TENM3: variants seen among roughly 807,000 people sequenced by gnomAD.
TENM3 encodes teneurin-3.
Under a neutral mutation model 255.1 loss-of-function variants are expected in TENM3, and 63 were observed. The ratio of observed to expected loss-of-function variants is 0.25; its 90% confidence interval spans 0.20 to 0.30. The LOEUF (loss-of-function observed/expected upper bound fraction) is 0.30, where lower values mean the gene tolerates loss of function less well. TENM3 is among the 10% of genes least tolerant of loss of function. The pLI is 1.00. For missense variants in TENM3, 2,929 were observed against 3,461.1 expected (o/e 0.85, Z 3.86); for synonymous variants, 1,306 against 1,322.3 (o/e 0.99, Z 0.27).
intron 1 of TENM3, among the ~76,000 whole-genome samples, chr4:182,224,737 CTT>C (rs112818920): frequency 3.7e-4 from 51 of 137,336 alleles, no homozygotes; most frequent in Admixed American, 3.7e-4. Flanking sequence ...AGTCAGATAT[CTT>C]TTTTTTTTTT....
the TENM3 span, among the ~76,000 whole-genome samples, chr4:181,831,810 G>T: frequency 0.011 from 1,744 of 152,082 alleles, 40 homozygotes; most frequent in African/African-American, 0.04. Flanking sequence ...ACAAAATATG[G>T]ACTATTAAGA....
At chr4:181,836,439 TTC>T in the TENM3 span, among the ~76,000 whole-genome samples, 1 of 152,328 alleles carries the variant, frequency 6.6e-6, no homozygotes, top group East Asian at 1.9e-4. Flanking sequence ...ATTTGGGTCT[TTC>T]ATTAACCTGG....
intron 12 of TENM3, among the ~76,000 whole-genome samples, chr4:182,708,290 C>T (rs1427869717): frequency 1.3e-5 from 2 of 152,132 alleles, no homozygotes; most frequent in Non-Finnish European, 2.9e-5. Context: ...GTGTGTGTCC[C>T]TGGATCATTC....
At chr4:181,678,744 G>C in the TENM3 span, among the ~76,000 whole-genome samples, 1 of 150,206 alleles carries the variant, frequency 6.7e-6, no homozygotes, top group African/African-American at 2.4e-5. Context: ...AAAAATATTT[G>C]CTTAATTTTC....
At chr4:181,921,745 G>C in the TENM3 span, among the ~76,000 whole-genome samples, 1 of 151,930 alleles carries the variant, frequency 6.6e-6, no homozygotes, top group Admixed American at 6.6e-5. Context: ...CTGACTAATT[G>C]CCCTGGCCAG....
chr4:181,726,119 TATAA>T, the TENM3 span, among the ~76,000 whole-genome samples: 1 of 152,054 alleles, frequency 6.6e-6, no homozygotes, highest in African/African-American at 2.4e-5. Flanking sequence ...ATTATTAAAA[TATAA>T]ATATATTTTA....
the TENM3 span, among the ~76,000 whole-genome samples, chr4:181,923,116 C>G: frequency 1.4e-4 from 21 of 152,060 alleles, no homozygotes; most frequent in African/African-American, 4.3e-4. Context: ...GTTATAATTT[C>G]TGTTCTTTTA....
chr4:182,731,073 G>A lies in TENM3; in HGVS notation c.2901G>A (p.Val967=), dbSNP rs944336732. 3 of 1,613,874 alleles carry A rather than the reference G, an allele frequency of 1.9e-6. No individual in the cohort carries two copies. The highest frequency in any genetic ancestry group is 2.5e-6 in the Non-Finnish European group (3 of 1,179,812). ...TCGTGAGGCCAAATCCCATCATTGT[G>A]TCATCACCTTTATCCACCTTTTTCA... The part of the protein sequence containing the change: ...SGFVRPNPII[V]SSPLSTFFRS... The change falls in exon 16 of 28, where the codon GTG becomes GTA. Residue 967 remains valine, a synonymous_variant. Transcript: ENST00000511685.
At chr4:181,650,717 G>C in the TENM3 span, among the ~76,000 whole-genome samples, 1 of 152,296 alleles carries the variant, frequency 6.6e-6, no homozygotes, top group African/African-American at 2.4e-5. Context: ...GAACTTTCTA[G>C]AAGAGCTACA....
chr4:181,899,808 C>T, the TENM3 span, among the ~76,000 whole-genome samples: 2 of 152,112 alleles, frequency 1.3e-5, no homozygotes, highest in African/African-American at 4.8e-5. Context: ...CCTTGTGATC[C>T]TCCCGCCTCA....
chr4:181,605,471 AG>A, the TENM3 span, among the ~76,000 whole-genome samples: 46 of 129,278 alleles, frequency 3.6e-4, no homozygotes, highest in African/African-American at 1.3e-3. Context: ...AGAGAGAGAG[AG>A]AGAAACAGAG....
At chr4:182,283,483 G>A (rs1248342126) in intron 1 of TENM3, among the ~76,000 whole-genome samples, 1 of 152,142 alleles carries the variant, frequency 6.6e-6, no homozygotes, top group Non-Finnish European at 1.5e-5. Flanking sequence ...ATGGAGATGT[G>A]GTAGGCCTTT....
the TENM3 span, among the ~76,000 whole-genome samples, chr4:181,792,963 G>GT: frequency 9.6e-3 from 1,425 of 148,192 alleles, 20 homozygotes; most frequent in African/African-American, 0.033. Context: ...GTTATAGACG[G>GT]TTTTTTTTTT....
chr4:182,417,147 T>G (rs1285343029), intron 3 of TENM3, among the ~76,000 whole-genome samples: 1 of 151,938 alleles, frequency 6.6e-6, no homozygotes. Flanking sequence ...CTAATTTTTT[T>G]TTGTATTTTT....
chr4:181,937,515 A>G, the TENM3 span, among the ~76,000 whole-genome samples: 1 of 152,342 alleles, frequency 6.6e-6, no homozygotes, highest in African/African-American at 2.4e-5. Context: ...TGGGAAGGAC[A>G]TTGAACAGGA....
chr4:182,534,787 C>A (rs1740131483), intron 3 of TENM3, among the ~76,000 whole-genome samples: 1 of 152,124 alleles, frequency 6.6e-6, no homozygotes, highest in African/African-American at 2.4e-5. Flanking sequence ...AGTGAGTAAG[C>A]ACTTAAAAAC....
intron 1 of TENM3, among the ~76,000 whole-genome samples, chr4:182,146,906 G>A (rs371367145): frequency 6.6e-6 from 1 of 152,078 alleles, no homozygotes; most frequent in Admixed American, 6.6e-5. Flanking sequence ...AGATGTTTTA[G>A]GTAAATTATT....
chr4:182,249,667 G>A (rs1004808977), intron 1 of TENM3, among the ~76,000 whole-genome samples: 3 of 152,188 alleles, frequency 2.0e-5, no homozygotes, highest in African/African-American at 4.8e-5. Context: ...GGGGGTTGGG[G>A]ACCTCTGAGG....
At chr4:181,516,888 T>C in the TENM3 span, among the ~76,000 whole-genome samples, 1 of 152,188 alleles carries the variant, frequency 6.6e-6, no homozygotes. Context: ...ATATTACTAT[T>C]ATTTCCCTTT....
Sources: gnomAD v4.1 joint callset for allele counts (sites outside exome capture counted in the v4.1 genomes callset) on GRCh38, gnomAD v4.1.1 for gene constraint, MANE v1.5 for transcripts, NCBI Gene and HGNC (gene_info 2026-07-23, HGNC 2026-07-21) for gene names.